Variants in EFCAB13 observed in about 807,000 individuals in gnomAD.
EFCAB13 encodes EF-hand calcium binding domain 13, also known as EF-hand calcium-binding domain-containing protein 13.
A neutral mutation model predicts 110.2 loss-of-function variants in EFCAB13; 91 were observed. That is an observed-to-expected ratio of 0.83 (90% CI 0.70 to 0.98). EFCAB13 has a LOEUF of 0.98. Ranked by LOEUF, EFCAB13 falls within the 50% of genes least tolerant of loss-of-function variation. The pLI, the probability that EFCAB13 is intolerant of heterozygous loss-of-function variation, is 0.00. For missense variants in EFCAB13, 968 were observed against 1,119.4 expected (o/e 0.86, Z 1.93); for synonymous variants, 323 against 369.9 (o/e 0.87, Z 1.45).
At chr17:47,386,106 C>T (rs777363049) in intron 14 of EFCAB13, among the ~76,000 whole-genome samples, 10 of 152,182 alleles carry the variant, frequency 6.6e-5, no homozygotes, top group Non-Finnish European at 1.0e-4. Context: ...GTATGGAGGT[C>T]AGGGACCCAG....
intron 17 of EFCAB13, among the ~76,000 whole-genome samples, chr17:47,396,194 T>G (rs767080122): frequency 6.6e-6 from 1 of 152,144 alleles, no homozygotes; most frequent in Non-Finnish European, 1.5e-5. Context: ...TGCTCTAAAT[T>G]GATCAAATAT....
At chr17:47,366,348 T>G (rs1334398537) in intron 10 of EFCAB13, among the ~76,000 whole-genome samples, 3 of 151,574 alleles carry the variant, frequency 2.0e-5, no homozygotes, top group Admixed American at 6.6e-5. Flanking sequence ...AGGTTAGAGA[T>G]CTGGAAATTG....
rs752549988 is a variant in EFCAB13, at chr17:47,412,845, C to G, written c.2351C>G (p.Ala784Gly). The change falls in exon 22 of 25, where the codon GCC (alanine) becomes GGC (glycine). Residue 784 changes from alanine to glycine, a missense_variant. Coordinates refer to ENST00000331493, the MANE Select transcript of EFCAB13 (RefSeq NM_152347.5). ...ATTGGTATACCTGATTTGGAGCATG[C>G]CTTGAAATGTTTGAATGTTAATTTA... ...GKIGIPDLEH[A>G]LKCLNVNLTE... The G allele has an allele frequency of 1.9e-6, 3 of 1,613,634 alleles. No homozygotes were observed. In the South Asian group the frequency reaches 3.3e-5, roughly 18 times the overall value.
chr17:47,375,386 G>T (rs987961540), intron 12 of EFCAB13, among the ~76,000 whole-genome samples: 1 of 152,018 alleles, frequency 6.6e-6, no homozygotes, highest in Non-Finnish European at 1.5e-5. Context: ...GACCTTTTGT[G>T]TTCAAGTGAT....
intron 14 of EFCAB13, among the ~76,000 whole-genome samples, chr17:47,386,043 T>C (rs2065673704): frequency 6.6e-6 from 1 of 152,170 alleles, no homozygotes; most frequent in Non-Finnish European, 1.5e-5. Context: ...GCCAGAGCTC[T>C]CCTGCATGAG....
intron 17 of EFCAB13, among the ~76,000 whole-genome samples, chr17:47,397,037 C>A (rs8067709): frequency 1.4e-4 from 21 of 149,510 alleles, no homozygotes; most frequent in Non-Finnish European, 3.0e-4. Flanking sequence ...TCCCCCTCCC[C>A]CTCCCCCTTT....
intron 3 of EFCAB13, chr17:47,327,900 T>TC (rs1369577591): frequency 5.0e-6 from 1 of 199,368 alleles, no homozygotes. Flanking sequence ...CTTGACCTCT[T>TC]CAAGTCTTTA....
At chr17:47,337,192 C>T (rs2065356155) in intron 5 of EFCAB13, among the ~76,000 whole-genome samples, 1 of 152,196 alleles carries the variant, frequency 6.6e-6, no homozygotes, top group South Asian at 2.1e-4. Context: ...AAAGGAAGGT[C>T]GTGGGAGCAT....
intron 21 of EFCAB13, among the ~76,000 whole-genome samples, chr17:47,410,530 C>T (rs1042706228): frequency 1.3e-5 from 2 of 152,194 alleles, no homozygotes; most frequent in Admixed American, 6.5e-5. Flanking sequence ...AGCCCCAAAA[C>T]TCTTAACTTG....
chr17:47,427,846 T>C (rs1489315674), intron 23 of EFCAB13, among the ~76,000 whole-genome samples: 1 of 152,074 alleles, frequency 6.6e-6, no homozygotes, highest in Admixed American at 6.5e-5. Flanking sequence ...TATAGACCTA[T>C]TACTTTTTCC....
intron 20 of EFCAB13, chr17:47,409,285 T>G (rs3736438): frequency 0.62 from 116,009 of 186,620 alleles, 36,690 homozygotes; most frequent in African/African-American, 0.71. Flanking sequence ...CTAGATAGTA[T>G]ATAGGTAGGT....
intron 14 of EFCAB13, among the ~76,000 whole-genome samples, chr17:47,379,717 A>G (rs2078896632): frequency 5.3e-5 from 8 of 152,166 alleles, no homozygotes; most frequent in Admixed American, 5.2e-4. Context: ...TTGTAGAACT[A>G]TTACCACAAT....
chr17:47,402,242 T>C, intron 18 of EFCAB13, 39 bp downstream of exon 18: 6 of 1,567,048 alleles, frequency 3.8e-6, no homozygotes, highest in Non-Finnish European at 5.3e-6. Flanking sequence ...GATTTACTTT[T>C]ATTGAAAGGA....
At chr17:47,361,595 A>G (rs2065513935) in intron 10 of EFCAB13, 74 bp downstream of exon 10, 3 of 1,313,680 alleles carry the variant, frequency 2.3e-6, no homozygotes, top group South Asian at 2.9e-5. Context: ...CCGGATATCA[A>G]TTTTGTGATC....
intron 16 of EFCAB13, 51 bp downstream of exon 16, chr17:47,394,150 A>T: frequency 8.3e-7 from 1 of 1,206,326 alleles, no homozygotes; most frequent in Non-Finnish European, 1.1e-6. Flanking sequence ...ATAGTTTGAC[A>T]GATTTTAGAA....
chr17:47,338,620 TC>T (rs963276274), intron 5 of EFCAB13, among the ~76,000 whole-genome samples: 108 of 152,206 alleles, frequency 7.1e-4, no homozygotes, highest in African/African-American at 2.5e-3. Context: ...TTTTTCCTCC[TC>T]CTCTCTCTCC....
At chr17:47,337,123 A>G (rs2065355693) in intron 5 of EFCAB13, among the ~76,000 whole-genome samples, 1 of 152,248 alleles carries the variant, frequency 6.6e-6, no homozygotes, top group Non-Finnish European at 1.5e-5. Context: ...TATTTCTAGA[A>G]GACTACAATA....
chr17:47,369,396 G>A (rs747298803), intron 10 of EFCAB13, among the ~76,000 whole-genome samples: 11 of 152,122 alleles, frequency 7.2e-5, no homozygotes, highest in Admixed American at 1.3e-4. Flanking sequence ...TCCTACAGCC[G>A]AACTATAGTC....
chr17:47,399,157 T>A (rs2065765854), intron 17 of EFCAB13, among the ~76,000 whole-genome samples: 1 of 152,186 alleles, frequency 6.6e-6, no homozygotes, highest in African/African-American at 2.4e-5. Context: ...TCAGGTGATC[T>A]TCTGGCCTTG....
Sources: gnomAD v4.1 joint callset for allele counts (sites outside exome capture counted in the v4.1 genomes callset) on GRCh38, gnomAD v4.1.1 for gene constraint, MANE v1.5 for transcripts, NCBI Gene and HGNC (gene_info 2026-07-23, HGNC 2026-07-21) for gene names.